The following PUDP variants were observed in gnomAD, a reference collection of about 807,000 sequenced individuals.
The protein encoded by PUDP is pseudouridine-5'-phosphatase.
Under a neutral mutation model 9.4 loss-of-function variants are expected in PUDP, and 8 were observed. The observed-to-expected ratio is 0.85, with a 90% CI of 0.50 to 1.53. The LOEUF (loss-of-function observed/expected upper bound fraction) is 1.53. Among genes scored for constraint, PUDP ranks in the 40% most tolerant of loss-of-function variants. The pLI, the probability that PUDP is intolerant of heterozygous loss-of-function variation, is 0.00. For synonymous variants in PUDP, 99 were observed against 80.7 expected (o/e 1.23, Z -1.22); for missense variants, 188 against 189.7 (o/e 0.99, Z 0.05).
intron 3 of PUDP, among the ~76,000 whole-genome samples, chrX:6,746,012 A>G (rs1391765376): frequency 1.8e-5 from 2 of 112,042 alleles, no homozygotes; most frequent in Non-Finnish European, 3.8e-5. Context: ...GGCAAGATCC[A>G]CTGATCACAA....
intron 3 of PUDP, among the ~76,000 whole-genome samples, chrX:6,727,508 G>T (rs1924753351): frequency 1.8e-5 from 2 of 112,119 alleles, no homozygotes; most frequent in Non-Finnish European, 3.8e-5. Context: ...GAAGAATTTT[G>T]GAGAATTTAT....
intron 3 of PUDP, among the ~76,000 whole-genome samples, chrX:6,880,787 A>AAT (rs1232970336): frequency 1.8e-5 from 2 of 111,829 alleles, no homozygotes; most frequent in East Asian, 2.8e-4. Flanking sequence ...AGAAGACTAG[A>AAT]ATTACAGTCC....
At chrX:6,909,882 CTG>C (rs991045819) in intron 3 of PUDP, among the ~76,000 whole-genome samples, 15 of 112,526 alleles carry the variant, frequency 1.3e-4, no homozygotes, top group African/African-American at 4.5e-4. Context: ...ATTTAAGACT[CTG>C]TGGGGGAGAT....
exon 2 of PUDP, among the ~76,000 whole-genome samples, chrX:6,978,269 A>T (rs1022054770): frequency 3.8e-4 from 42 of 111,386 alleles, no homozygotes; most frequent in African/African-American, 1.2e-3. Flanking sequence ...GACATTAATG[A>T]TCTCTTTGAT....
intron 1 of PUDP, among the ~76,000 whole-genome samples, chrX:7,034,793 T>C (rs1929834097): frequency 8.9e-6 from 1 of 111,835 alleles, no homozygotes; most frequent in Non-Finnish European, 1.9e-5. Context: ...CACAGGGCTA[T>C]GAAATGCAAA....
chrX:6,721,807 T>C (rs1849313206), upstream of PUDP, among the ~76,000 whole-genome samples: 1 of 111,794 alleles, frequency 8.9e-6, no homozygotes, highest in South Asian at 3.7e-4. Flanking sequence ...AGCATATCCT[T>C]AAACTGGACA....
intron 2 of PUDP, among the ~76,000 whole-genome samples, chrX:7,079,436 G>C (rs778937807): frequency 6.2e-5 from 7 of 112,419 alleles, no homozygotes; most frequent in African/African-American, 1.9e-4. Context: ...TAAGGACACA[G>C]CAGACTTCAG....
chrX:7,050,234 C>A lies in PUDP; in HGVS notation c.*62G>T, dbSNP rs1260467104. 1.6e-5 allele frequency: 17 copies of A among 1,089,520 alleles called. No homozygotes were observed. Among genetic ancestry groups the A allele is most frequent in the Non-Finnish European group, 2.1e-5 (17 of 807,401 alleles). The allele number at this position is 1,089,520 out of a possible 1,213,427, so 89.8% of individuals were successfully genotyped here. On this transcript the variant is annotated 3_prime_UTR_variant, in exon 4 of 4. Coordinates refer to ENST00000381077, the MANE Select transcript of PUDP (RefSeq NM_012080.5). ...TTGAAGAGTTGCTGATTTCCTTTCC[C>A]TTTCCCCCAGCAGTGTGGACCATGA...
chrX:6,981,309 A>G (rs1171798927), intron 1 of PUDP, among the ~76,000 whole-genome samples: 2 of 111,774 alleles, frequency 1.8e-5, no homozygotes, highest in Admixed American at 1.9e-4. Flanking sequence ...TATGTTGTAC[A>G]TGTTTCTGTT....
rs143401717 is a variant in PUDP, at chrX:6,767,575, T to A, written c.*248-61109A>T. Among the ~76,000 whole-genome samples the A allele has an allele frequency of 3.7e-3, 419 of 112,382 alleles. 3 individuals are homozygous for A. Among genetic ancestry groups the A allele is most frequent in the African/African-American group, 0.013 (412 of 30,954 alleles). On this transcript the variant is annotated intron_variant and NMD_transcript_variant, in intron 3 of 3. Coordinates refer to the PUDP transcript ENST00000655425. ...CATAGCAGGTATCCTTTGCCCACGA[T>A]GGGATATAGCAGCGCAGTCATTCCA...
At chrX:6,869,308 C>G (rs1927137305) in intron 3 of PUDP, among the ~76,000 whole-genome samples, 1 of 111,876 alleles carries the variant, frequency 8.9e-6, no homozygotes. Context: ...GCAGTTTGTC[C>G]TGCTCCATGA....
chrX:6,787,455 T>G (rs1925666284), intron 3 of PUDP, among the ~76,000 whole-genome samples: 1 of 112,247 alleles, frequency 8.9e-6, no homozygotes, highest in Non-Finnish European at 1.9e-5. Context: ...ATGCCATTGC[T>G]GAAGACAATT....
intron 3 of PUDP, among the ~76,000 whole-genome samples, chrX:6,954,183 A>G (rs1434752870): frequency 9.0e-6 from 1 of 111,185 alleles, no homozygotes; most frequent in East Asian, 2.8e-4. Context: ...TGTCTTTATT[A>G]GTAGGGTGAG....
chrX:6,751,549 A>T (rs780203180), intron 3 of PUDP, among the ~76,000 whole-genome samples: 67 of 112,032 alleles, frequency 6.0e-4, no homozygotes, highest in African/African-American at 1.9e-3. Flanking sequence ...AAAGAGAAGA[A>T]AAAGAAATAA....
chrX:7,032,461 C>A (rs986046285), intron 1 of PUDP, among the ~76,000 whole-genome samples: 2 of 112,049 alleles, frequency 1.8e-5, no homozygotes, highest in Non-Finnish European at 3.8e-5. Flanking sequence ...TGGAGCAGAA[C>A]CCAAATGCTT....
At chrX:6,950,018 C>T (rs1399751989) in intron 3 of PUDP, among the ~76,000 whole-genome samples, 1 of 111,304 alleles carries the variant, frequency 9.0e-6, no homozygotes. Flanking sequence ...TGGCTGCTCG[C>T]TTCCAATAGA....
intron 3 of PUDP, among the ~76,000 whole-genome samples, chrX:6,827,947 C>T: frequency 8.9e-6 from 1 of 112,067 alleles, no homozygotes; most frequent in Non-Finnish European, 1.9e-5. Context: ...GTATTTTATA[C>T]TGTATCGGCA....
chrX:6,832,222 A>AT (rs959765297), intron 3 of PUDP, among the ~76,000 whole-genome samples: 4 of 112,146 alleles, frequency 3.6e-5, no homozygotes, highest in African/African-American at 1.3e-4. Context: ...TGCAACCAAC[A>AT]TAACACCAAA....
chrX:7,026,631 C>T (rs1358615022), intron 1 of PUDP, among the ~76,000 whole-genome samples: 2 of 111,408 alleles, frequency 1.8e-5, no homozygotes, highest in Admixed American at 1.9e-4. Context: ...CACCCTCCTA[C>T]CACCTGTGAA....
Sources: gnomAD v4.1 joint callset for allele counts (sites outside exome capture counted in the v4.1 genomes callset) on GRCh38, gnomAD v4.1.1 for gene constraint, MANE v1.5 for transcripts, NCBI Gene and HGNC (gene_info 2026-07-23, HGNC 2026-07-21) for gene names.